Variants in CYP2C19 observed in about 807,000 individuals in gnomAD.
The protein encoded by CYP2C19 is cytochrome P450 family 2 subfamily C member 19.
A neutral mutation model predicts 40.9 loss-of-function variants in CYP2C19; 59 were observed. The ratio of observed to expected loss-of-function variants is 1.44; its 90% CI spans 1.17 to 1.79. CYP2C19 has a LOEUF of 1.79. CYP2C19 is among the 40% of genes most tolerant of loss of function. The pLI is 0.00. For missense variants in CYP2C19, 754 were observed against 596.9 expected, an observed-to-expected ratio of 1.26 and a Z score of -2.74; for synonymous variants, 253 against 208.7, an observed-to-expected ratio of 1.21 and a Z score of -1.83.
intron 6 of CYP2C19, among the ~76,000 whole-genome samples, chr10:94,830,315 G>T (rs1282405993): frequency 6.6e-6 from 1 of 152,208 alleles, no homozygotes; most frequent in East Asian, 1.9e-4. Flanking sequence ...AGACTCCGTG[G>T]GCGTAGGACC....
intron 1 of CYP2C19, among the ~76,000 whole-genome samples, 191 bp downstream of exon 1, chr10:94,763,064 G>A (rs11188073): frequency 6.6e-6 from 1 of 152,154 alleles, no homozygotes; most frequent in East Asian, 1.9e-4. Flanking sequence ...TTTGTTATTA[G>A]AGAAAGATTT....
intron 5 of CYP2C19, among the ~76,000 whole-genome samples, chr10:94,818,542 T>C (rs1200334248): frequency 7.6e-5 from 11 of 144,216 alleles, no homozygotes; most frequent in Non-Finnish European, 4.6e-5. Context: ...TTCTTCCATT[T>C]GTTTGTATCC....
At chr10:94,849,002 G>A (rs959250571) in intron 7 of CYP2C19, among the ~76,000 whole-genome samples, 33 of 152,104 alleles carry the variant, frequency 2.2e-4, no homozygotes, top group Non-Finnish European at 3.5e-4. Context: ...TTGTCTAGAT[G>A]TACAATCATG....
intron 8 of CYP2C19, among the ~76,000 whole-genome samples, chr10:94,850,859 G>T (rs1849642733): frequency 6.6e-6 from 1 of 152,090 alleles, no homozygotes; most frequent in Non-Finnish European, 1.5e-5. Flanking sequence ...CAGTGATGCA[G>T]AGCACCATGC....
intron 6 of CYP2C19, among the ~76,000 whole-genome samples, chr10:94,839,829 C>A (rs923549777): frequency 6.6e-6 from 1 of 152,158 alleles, no homozygotes; most frequent in Admixed American, 6.5e-5. Context: ...CCTCCTATGT[C>A]TGGTCGGACT....
intron 5 of CYP2C19, among the ~76,000 whole-genome samples, chr10:94,804,182 C>A (rs1848802778): frequency 6.6e-6 from 1 of 152,080 alleles, no homozygotes; most frequent in South Asian, 2.1e-4. Context: ...AAGGCTGAGG[C>A]ACCAAGCAAG....
chr10:94,796,842 G>C (rs995296181), intron 5 of CYP2C19, among the ~76,000 whole-genome samples: 12 of 152,096 alleles, frequency 7.9e-5, no homozygotes, highest in Non-Finnish European at 1.5e-4. Context: ...CATTGATTTT[G>C]TATCCTGAGA....
At chr10:94,814,546 G>A (rs942965457) in intron 5 of CYP2C19, among the ~76,000 whole-genome samples, 2 of 151,598 alleles carry the variant, frequency 1.3e-5, no homozygotes, top group South Asian at 2.1e-4. Flanking sequence ...GATAGTATCT[G>A]TGTAGTTTCT....
rs114558679 is a variant in CYP2C19 at position 94,801,232 on chromosome 10, C to T, written c.819+19235C>T. Among the ~76,000 whole-genome samples the T allele has an allele frequency of 3.1e-3, 469 of 152,270 alleles. 3 individuals are homozygous for T. The highest frequency in any genetic ancestry group is 0.01 in the African/African-American group (431 of 41,554). ...CATGCTTTCTCTTGTGGACATTTAGCGGTATCAATTTCCCTCTACACAATG... is the reference window on the plus strand; with the variant it reads ...CATGCTTTCTCTTGTGGACATTTAGTGGTATCAATTTCCCTCTACACAATG... On this transcript the variant is annotated intron_variant, in intron 5 of 8. Transcript: ENST00000371321.
intron 6 of CYP2C19, among the ~76,000 whole-genome samples, chr10:94,821,034 G>C (rs945372094): frequency 6.6e-6 from 1 of 152,182 alleles, no homozygotes; most frequent in Non-Finnish European, 1.5e-5. Context: ...AGTGAGCCAA[G>C]ATTGTGCCAT....
intron 5 of CYP2C19, among the ~76,000 whole-genome samples, chr10:94,788,545 G>A (rs901569234): frequency 6.6e-6 from 1 of 151,908 alleles, no homozygotes; most frequent in African/African-American, 2.4e-5. Context: ...ATCCCTCCCT[G>A]TGTCCATGTG....
intron 5 of CYP2C19, among the ~76,000 whole-genome samples, chr10:94,804,451 A>G (rs1848806387): frequency 6.6e-6 from 1 of 152,172 alleles, no homozygotes; most frequent in African/African-American, 2.4e-5. Flanking sequence ...AGAATGATTG[A>G]CTTTTTATGC....
intron 5 of CYP2C19, among the ~76,000 whole-genome samples, chr10:94,791,540 T>C (rs1848605867): frequency 6.6e-6 from 1 of 152,230 alleles, no homozygotes. Flanking sequence ...GCTTTAAATG[T>C]GTCCCAGAAA....
intron 5 of CYP2C19, among the ~76,000 whole-genome samples, chr10:94,798,648 A>G (rs956300838): frequency 4.6e-5 from 7 of 151,876 alleles, no homozygotes; most frequent in African/African-American, 1.7e-4. Flanking sequence ...GTCTCTAAGG[A>G]CCTGCTTTAT....
At chr10:94,812,902 T>G (rs1174367611) in intron 5 of CYP2C19, among the ~76,000 whole-genome samples, 1 of 152,110 alleles carries the variant, frequency 6.6e-6, no homozygotes, top group Admixed American at 6.5e-5. Context: ...TTTTGTCCCC[T>G]TGCTGGCAAG....
chr10:94,787,720 G>C (rs537115433), intron 5 of CYP2C19, among the ~76,000 whole-genome samples: 1 of 152,120 alleles, frequency 6.6e-6, no homozygotes, highest in African/African-American at 2.4e-5. Flanking sequence ...TGGCTAGCCA[G>C]TTATCCTAGT....
chr10:94,836,058 A>G (rs562774437), intron 6 of CYP2C19, among the ~76,000 whole-genome samples: 3 of 152,316 alleles, frequency 2.0e-5, no homozygotes, highest in Non-Finnish European at 4.4e-5. Flanking sequence ...TTTCTTTATT[A>G]TTTGGAAGAA....
chr10:94,822,563 G>T (rs1024518805), intron 6 of CYP2C19, among the ~76,000 whole-genome samples: 7 of 152,138 alleles, frequency 4.6e-5, no homozygotes, highest in African/African-American at 1.4e-4. Context: ...TTGATAGAAT[G>T]AATTTTTTTG....
chr10:94,830,941 T>C (rs923088975), intron 6 of CYP2C19, among the ~76,000 whole-genome samples: 1 of 152,188 alleles, frequency 6.6e-6, no homozygotes, highest in Non-Finnish European at 1.5e-5. Context: ...TTTTAAAATA[T>C]ACAATTAAGT....
Sources: allele counts gnomAD v4.1 joint callset (sites outside exome capture counted in the v4.1 genomes callset), GRCh38; gene constraint gnomAD v4.1.1; transcripts MANE v1.5; gene names NCBI Gene and HGNC (gene_info 2026-07-23, HGNC 2026-07-21).